Variants in NEK3 observed in about 807,000 individuals in gnomAD.
NEK3 encodes the protein serine/threonine-protein kinase Nek3.
In NEK3, 54 loss-of-function variants were observed where a neutral mutation model predicts 66.0. The observed-to-expected ratio is 0.82, with a 90% CI of 0.66 to 1.03. The LOEUF is 1.03. Among genes scored for constraint, NEK3 ranks in the 50% least tolerant of loss-of-function variants. NEK3 has a pLI of 0.00. For synonymous variants in NEK3, 200 were observed against 206.2 expected (o/e 0.97, Z 0.26); for missense variants, 593 against 603.0 (o/e 0.98, Z 0.17).
Position 52,148,421 on chromosome 13 carries a change from C to T in NEK3, c.597G>A (p.Lys199=). ...TTTTGCACGCCATACTTACTGGATG[C>T]TTAAGGGTACAGAGTTCATACAGGA... The part of the protein sequence containing the change: ...GCILYELCTL[K]HPFQANSWKN... The change falls in exon 8 of 16, where the codon AAG becomes AAA. Residue 199 remains lysine, a synonymous_variant. Coordinates refer to ENST00000610828, the MANE Select transcript of NEK3 (RefSeq NM_002498.3). 2 of 1,613,046 alleles carry T rather than the reference C, an allele frequency of 1.2e-6. No individual in the cohort carries two copies. Among genetic ancestry groups the T allele is most frequent in the Non-Finnish European group, 1.7e-6 (2 of 1,179,372 alleles).
Position 52,133,234 on chromosome 13 carries a change from A to T in NEK3, c.1437-8T>A. 1 of 1,598,400 alleles carries T rather than the reference A, an allele frequency of 6.3e-7. No homozygotes were observed. Among genetic ancestry groups the T allele is most frequent in the South Asian group, 1.1e-5 (1 of 87,996 alleles). On this transcript the variant is annotated splice_region_variant and splice_polypyrimidine_tract_variant and intron_variant, in intron 15 of 15. Transcript: ENST00000610828. The stretch of plus-strand genomic sequence containing the variant: ...TCTTCCTCCTCAAAGTCCCTGTGAA[A>T]AAACAATTTGGACCATAAACCTCTA...
chr13:52,157,651 T>C (rs1956406601), intron 1 of NEK3, among the ~76,000 whole-genome samples: 1 of 152,184 alleles, frequency 6.6e-6, no homozygotes. Context: ...GTTGGAGTCC[T>C]TGACTTCAGT....
intron 11 of NEK3, among the ~76,000 whole-genome samples, chr13:52,138,302 G>GT (rs1956221369): frequency 6.6e-6 from 1 of 152,192 alleles, no homozygotes; most frequent in South Asian, 2.1e-4. Flanking sequence ...TATTACAGGC[G>GT]TAAGCCACTC....
At chr13:52,157,986 T>C (rs997495382) in intron 1 of NEK3, among the ~76,000 whole-genome samples, 1 of 152,238 alleles carries the variant, frequency 6.6e-6, no homozygotes, top group African/African-American at 2.4e-5. Context: ...CAAGTGATTC[T>C]CCTGCCTCAG....
intron 1 of NEK3, 88 bp from the exon 2 acceptor site, chr13:52,156,336 G>T: frequency 3.4e-6 from 2 of 581,316 alleles, no homozygotes; most frequent in Non-Finnish European, 6.1e-6. Context: ...ACCATGATAA[G>T]AGAAAAGCAA....
chr13:52,136,802 T>C lies in NEK3; in HGVS notation c.1028A>G (p.Lys343Arg), dbSNP rs750639629. ...SALRRVNREE[K>R]GNKSVHLRKA... ...TGATTAGAATTTGAATAACTTACCT[T>C]TTTCTTCTCTGTTTACTCTTCTCAA... The change falls in exon 12 of 16, where the codon AAA becomes AGA. Residue 343 changes from lysine (K) to arginine (R), a missense_variant and splice_region_variant. By Grantham distance (26) the Lys-to-Arg change is conservative. Coordinates refer to ENST00000610828, the MANE Select transcript of NEK3 (RefSeq NM_002498.3). The C allele has an allele frequency of 8.3e-5, 129 of 1,545,158 alleles. No individual in the cohort carries two copies. Among genetic ancestry groups the C allele is most frequent in the Non-Finnish European group, 1.1e-4 (124 of 1,141,636 alleles).
At chr13:52,157,711 A>G (rs996263215) in intron 1 of NEK3, among the ~76,000 whole-genome samples, 5 of 152,242 alleles carry the variant, frequency 3.3e-5, no homozygotes, top group African/African-American at 9.6e-5. Flanking sequence ...TGCTTAGCAC[A>G]TAAGAGAAAA....
At chr13:52,142,295 G>A (rs61957237) in intron 10 of NEK3, among the ~76,000 whole-genome samples, 1 of 148,348 alleles carries the variant, frequency 6.7e-6, no homozygotes, top group South Asian at 2.1e-4. Context: ...TTTTTTTTTG[G>A]AGACGGAGTC....
intron 12 of NEK3, among the ~76,000 whole-genome samples, 196 bp from the exon 13 acceptor site, chr13:52,136,455 C>T (rs905797158): frequency 4.0e-5 from 6 of 151,742 alleles, no homozygotes; most frequent in South Asian, 4.2e-4. Context: ...AAAATTAAAA[C>T]GAACCATTAC....
chr13:52,143,329 C>A (rs1431928908), intron 10 of NEK3, among the ~76,000 whole-genome samples: 1 of 140,596 alleles, frequency 7.1e-6, no homozygotes, highest in Non-Finnish European at 1.6e-5. Context: ...AAAAAAAAAA[C>A]AAGCAGTTTT....
At chr13:52,136,081 C>G in intron 13 of NEK3, 35 bp downstream of exon 13, 8 of 1,609,194 alleles carry the variant, frequency 5.0e-6, no homozygotes, top group Non-Finnish European at 6.8e-6. Context: ...AAAAAGTTCT[C>G]TAATAAAATA....
At chr13:52,136,516 T>C (rs994393523) in intron 12 of NEK3, among the ~76,000 whole-genome samples, 1 of 152,112 alleles carries the variant, frequency 6.6e-6, no homozygotes, top group Admixed American at 6.5e-5. Context: ...TTCTATATTA[T>C]ACAAGAATGA....
chr13:52,141,540 T>C (rs1956250146), intron 10 of NEK3, among the ~76,000 whole-genome samples: 2 of 152,176 alleles, frequency 1.3e-5, no homozygotes, highest in South Asian at 4.1e-4. Flanking sequence ...ATCCCTTTGG[T>C]AGGAATGGCT....
chr13:52,159,473 G>T (rs1004904790), intron 1 of NEK3, 70 bp downstream of exon 1: 1 of 152,550 alleles, frequency 6.6e-6, no homozygotes, highest in Non-Finnish European at 1.5e-5. Flanking sequence ...GCTCCCACTC[G>T]GCTCCGCGCC....
intron 5 of NEK3, among the ~76,000 whole-genome samples, chr13:52,151,651 T>G (rs1460092568): frequency 6.6e-6 from 1 of 152,226 alleles, no homozygotes; most frequent in African/African-American, 2.4e-5. Flanking sequence ...AGTGAGAACC[T>G]GTGTCAGGGT....
chr13:52,148,175 G>A (rs934802424), intron 8 of NEK3: 2 of 372,034 alleles, frequency 5.4e-6, no homozygotes, highest in Non-Finnish European at 9.5e-6. Context: ...AAAGAAAAGA[G>A]GAAAAGAGAA....
chr13:52,136,209 G>T lies in NEK3; in HGVS notation c.1081C>A (p.Arg361=), dbSNP rs779966232. 26 of 1,613,590 alleles carry T rather than the reference G, an allele frequency of 1.6e-5. 1 individual carries two copies. The Admixed American group carries it at 4.2e-4, about 26-fold the overall frequency. ...RKASSPNLHR[R]QWEKNVPNTA... ...TTGGGTACATTTTTCTCCCACTGTC[G>T]TCTATGAAGATTTGGTGAACTGGCT... is the stretch of plus-strand genomic sequence containing the variant. The change falls in exon 13 of 16, where the codon CGA becomes AGA. Residue 361 remains arginine (R), a synonymous_variant. Transcript: ENST00000610828.
Position 52,132,983 on chromosome 13 carries a change from T to C in NEK3, c.*159A>G. 1.6e-6 allele frequency: 1 copy of C among 625,520 alleles called. No individual in the cohort carries two copies. Among genetic ancestry groups the C allele is most frequent in the South Asian group, 2.1e-5 (1 of 48,358 alleles). 38.7% of individuals were successfully genotyped at this position (625,520 alleles called of 1,614,324 possible). ...TACAGGAGTTCTAGACTTTTCAAAC[T>C]CACGATACTAATCAAGAACGATTTT... On this transcript the variant is annotated 3_prime_UTR_variant, in exon 16 of 16. Transcript: ENST00000610828.
intron 8 of NEK3, among the ~76,000 whole-genome samples, chr13:52,146,504 C>T (rs918193377): frequency 1.3e-5 from 2 of 152,124 alleles, no homozygotes; most frequent in Non-Finnish European, 2.9e-5. Flanking sequence ...GTCCTTAATA[C>T]TCATTCTTGC....
Sources: gnomAD v4.1 joint callset for allele counts (sites outside exome capture counted in the v4.1 genomes callset) on GRCh38, gnomAD v4.1.1 for gene constraint, MANE v1.5 for transcripts, NCBI Gene and HGNC (gene_info 2026-07-23, HGNC 2026-07-21) for gene names.